KDM5A: variants seen among roughly 807,000 people sequenced by gnomAD.
KDM5A encodes the protein lysine-specific demethylase 5A.
In KDM5A, 42 loss-of-function variants were observed where a neutral mutation model predicts 193.5. The observed-to-expected ratio is 0.22, with a 90% confidence interval of 0.17 to 0.28. KDM5A has a LOEUF of 0.28. Among genes scored for constraint, KDM5A ranks in the 10% least tolerant of loss-of-function variants. The probability of loss-of-function intolerance (pLI) is 1.00; values close to 1 mark genes in which losing one functional copy is unlikely to be tolerated. For missense variants in KDM5A, 1,692 were observed against 2,055.1 expected (o/e 0.82, Z 3.42); for synonymous variants, 796 against 718.1 (o/e 1.11, Z -1.73).
rs548637021 is a variant in KDM5A at position 324,044 on chromosome 12, T to C, written c.1969-263A>G. 2.2e-4 allele frequency among the ~76,000 whole-genome samples: 34 copies of C among 152,164 alleles called. No individual in the cohort carries two copies. The South Asian group carries it at 5.8e-3, about 26-fold the overall frequency. On this transcript the variant is annotated intron_variant, in intron 14 of 27. Transcript: ENST00000399788. ...AACATGGGCTGGGTGCAGTGGCTCA[T>C]GGCTATCATCCCAGCACTTTAGGAA...
At chr12:353,265 G>A (rs955251393) in intron 8 of KDM5A, among the ~76,000 whole-genome samples, 3 of 152,106 alleles carry the variant, frequency 2.0e-5, no homozygotes, top group Admixed American at 6.6e-5. Context: ...AGAAGCCAGA[G>A]GCTGCAGTGA....
intron 3 of KDM5A, among the ~76,000 whole-genome samples, chr12:367,371 T>C (rs1184630626): frequency 6.6e-6 from 1 of 150,486 alleles, no homozygotes; most frequent in African/African-American, 2.4e-5. Flanking sequence ...GACAATATAG[T>C]GAGGCCCCCA....
At chr12:337,546 T>C (rs1008693640) in intron 10 of KDM5A, among the ~76,000 whole-genome samples, 3 of 152,102 alleles carry the variant, frequency 2.0e-5, no homozygotes, top group Non-Finnish European at 4.4e-5. Context: ...TAATCTTAAG[T>C]TTTGGACTGA....
rs770929671 is a variant in KDM5A at position 313,211 on chromosome 12, A to G, written c.2898-17T>C. 1 of 1,613,826 alleles carries G rather than the reference A, an allele frequency of 6.2e-7. No individual in the cohort carries two copies. The highest frequency in any genetic ancestry group is 8.5e-7 in the Non-Finnish European group (1 of 1,179,732). On this transcript the variant is annotated splice_polypyrimidine_tract_variant and intron_variant, in intron 19 of 27. Coordinates refer to ENST00000399788, the MANE Select transcript of KDM5A (RefSeq NM_001042603.3). ...TGCCTCGGTCTAAAAGAACAATAAA[A>G]ACAGAGTAGGATGCATGAGAAATCA...
intron 3 of KDM5A, among the ~76,000 whole-genome samples, chr12:372,036 G>A (rs1944434079): frequency 6.6e-6 from 1 of 152,214 alleles, no homozygotes; most frequent in African/African-American, 2.4e-5. Flanking sequence ...GAAGCATGAT[G>A]CCTCCAGCTT....
rs779098735 is a variant in KDM5A, at chr12:309,958, T to C, written c.3223A>G (p.Ser1075Gly). 9 of 1,612,578 alleles carry C rather than the reference T, an allele frequency of 5.6e-6. No individual in the cohort carries two copies. Among genetic ancestry groups the C allele is most frequent in the Non-Finnish European group, 6.8e-6 (8 of 1,179,714 alleles). The change falls in exon 22 of 28, where the codon AGC becomes GGC. Residue 1075 changes from serine (S) to glycine (G), a missense_variant. By Grantham distance (56) the Ser-to-Gly change is moderately conservative. Transcript: ENST00000399788. ...NSSHTLLQVLSPRTDIGVYGS... is the reference protein window; with the variant it reads ...NSSHTLLQVLGPRTDIGVYGS... ...TATACACCAATGTCGGTCCGGGGGC[T>C]CAGCACCTACAAAAATAAAACCACC...
intron 10 of KDM5A, among the ~76,000 whole-genome samples, chr12:344,907 C>T (rs948569341): frequency 9.9e-5 from 15 of 152,156 alleles, no homozygotes; most frequent in African/African-American, 3.4e-4. Context: ...ATCAAATTCA[C>T]ACATAGCAAC....
Position 318,337 on chromosome 12 carries a change from G to A in KDM5A, c.2666C>T (p.Pro889Leu), listed in dbSNP as rs759353154. 2 of 1,613,990 alleles carry A rather than the reference G, an allele frequency of 1.2e-6. No homozygotes were observed. Among genetic ancestry groups the A allele is most frequent in the East Asian group, 2.2e-5 (1 of 44,886 alleles). Residue 889 changes from proline to leucine, a missense_variant, in exon 19 of 28, where the codon CCT becomes CTT. Around this residue, in one of 11 missense-constraint regions of KDM5A, gnomAD observed 965 missense variants for 1,061.0 expected, o/e 0.91. Coordinates refer to ENST00000399788, the MANE Select transcript of KDM5A (RefSeq NM_001042603.3). ...CTCTTGCTTCAGTCGTGGTAATTCA[G>A]GGAGTTCCACATAGAGACTAGAGCC... is the stretch of plus-strand genomic sequence containing the variant. ...DMGSSLYVEL[P>L]ELPRLKQELQ...
intron 5 of KDM5A, among the ~76,000 whole-genome samples, chr12:360,151 G>A (rs1408284097): frequency 2.0e-5 from 3 of 151,890 alleles, no homozygotes; most frequent in African/African-American, 4.8e-5. Context: ...GCATGTGCCT[G>A]TAATCCCAGC....
At chr12:356,645 T>C (rs552581863) in intron 5 of KDM5A, 108 bp from the exon 6 acceptor site, 7 of 739,076 alleles carry the variant, frequency 9.5e-6, no homozygotes, top group African/African-American at 3.5e-5. Context: ...GAACAAATTA[T>C]TGGATTTCTT....
chr12:350,476 ATTC>A (rs893826726), intron 10 of KDM5A, 142 bp downstream of exon 10: 1 of 788,650 alleles, frequency 1.3e-6, no homozygotes, highest in Non-Finnish European at 2.1e-6. Flanking sequence ...AGTATTCTGA[ATTC>A]TTCGTTTTCA....
At chr12:336,391 G>C (rs898233853) in intron 10 of KDM5A, among the ~76,000 whole-genome samples, 3 of 149,626 alleles carry the variant, frequency 2.0e-5, no homozygotes, top group Non-Finnish European at 4.4e-5. Flanking sequence ...ACAGAGGATG[G>C]AATAACAAAG....
At chr12:387,689 T>C (rs1348868240) in intron 1 of KDM5A, among the ~76,000 whole-genome samples, 1 of 152,194 alleles carries the variant, frequency 6.6e-6, no homozygotes, top group Admixed American at 6.5e-5. Flanking sequence ...AGATCACACA[T>C]TTGGTGTTTT....
At chr12:290,152 T>A (rs565107588) in intron 27 of KDM5A, among the ~76,000 whole-genome samples, 23 of 152,172 alleles carry the variant, frequency 1.5e-4, no homozygotes, top group Non-Finnish European at 3.4e-4. Context: ...GCTCTAAAGA[T>A]GTGTGCTGTA....
chr12:387,358 G>A, intron 1 of KDM5A: 1 of 232,594 alleles, frequency 4.3e-6, no homozygotes, highest in South Asian at 4.1e-5. Context: ...ATTTTTTTAA[G>A]TAAAAAAACT....
intron 3 of KDM5A, among the ~76,000 whole-genome samples, chr12:370,790 G>A (rs557796174): frequency 1.8e-3 from 269 of 152,008 alleles, no homozygotes; most frequent in African/African-American, 5.9e-3. Context: ...GACAGGCCCC[G>A]GTGTGTGATG....
intron 14 of KDM5A, among the ~76,000 whole-genome samples, chr12:326,594 G>A (rs889872288): frequency 7.2e-5 from 11 of 152,226 alleles, no homozygotes; most frequent in African/African-American, 2.7e-4. Flanking sequence ...GGGCACGGCG[G>A]CTCACGCCTG....
intron 22 of KDM5A, 116 bp downstream of exon 22, chr12:309,687 T>G: frequency 1.8e-6 from 2 of 1,123,440 alleles, no homozygotes; most frequent in Non-Finnish European, 1.3e-6. Flanking sequence ...TGTATAATCA[T>G]AAAGCCAAAG....
At chr12:349,099 C>T (rs547542094) in intron 10 of KDM5A, among the ~76,000 whole-genome samples, 4 of 151,020 alleles carry the variant, frequency 2.6e-5, no homozygotes, top group Non-Finnish European at 5.9e-5. Flanking sequence ...CGGCTCACTG[C>T]AACCTCTGCC....
Sources: gnomAD v4.1 joint callset for allele counts (sites outside exome capture counted in the v4.1 genomes callset) on GRCh38, gnomAD v4.1.1 for gene constraint, gnomAD v4.1.1 regional missense constraint, MANE v1.5 for transcripts, NCBI Gene and HGNC (gene_info 2026-07-23, HGNC 2026-07-21) for gene names.